TMEM132C: variants seen among roughly 807,000 people sequenced by gnomAD.
TMEM132C encodes transmembrane protein 132C.
Under a neutral mutation model 61.4 loss-of-function variants are expected in TMEM132C, and 29 were observed. The observed-to-expected ratio is 0.47, with a 90% CI of 0.35 to 0.64. The LOEUF (loss-of-function observed/expected upper bound fraction) is 0.64. Among genes scored for constraint, TMEM132C ranks in the 30% least tolerant of loss-of-function variants. The pLI, the probability that TMEM132C is intolerant of heterozygous loss-of-function variation, is 0.00. For missense variants in TMEM132C, 1,408 were observed against 1,476.9 expected, an observed-to-expected ratio of 0.95 and a Z score of 0.76; for synonymous variants, 656 against 633.1, an observed-to-expected ratio of 1.04 and a Z score of -0.54.
chr12:128,702,589 T>C (rs992531825), intron 8 of TMEM132C, among the ~76,000 whole-genome samples: 1 of 152,190 alleles, frequency 6.6e-6, no homozygotes, highest in Non-Finnish European at 1.5e-5. Context: ...CATGAGCACC[T>C]CTTGAGCCCT....
At position 128,705,914 on chromosome 12, in the gene TMEM132C, G is replaced by A; in HGVS notation, c.2946G>A (p.Glu982=). 1 of 1,551,462 alleles carries A rather than the reference G, an allele frequency of 6.4e-7. No homozygotes were observed. Among genetic ancestry groups the A allele is most frequent in the Non-Finnish European group, 8.7e-7 (1 of 1,146,974 alleles). ...TTGGCAATGAGGCCGAACTCCTGGA[G>A]AGCATGGGGGATGCGCCGCCGCCCC... ...VWLGNEAELL[E]SMGDAPPPQD... is the part of the protein sequence containing the mutation. Residue 982 remains glutamate (E), a synonymous_variant, in exon 9 of 9, where the codon GAG becomes GAA. Coordinates refer to ENST00000435159, the MANE Select transcript of TMEM132C (RefSeq NM_001136103.3).
chr12:128,349,918 T>TAC (rs56323654), intron 1 of TMEM132C, among the ~76,000 whole-genome samples: 2,920 of 149,674 alleles, frequency 0.02, 56 homozygotes, highest in African/African-American at 0.048. Context: ...ACACGTACCG[T>TAC]ACACACACAC....
intron 1 of TMEM132C, among the ~76,000 whole-genome samples, chr12:128,373,198 T>C (rs576677856): frequency 6.6e-6 from 1 of 152,212 alleles, no homozygotes; most frequent in Non-Finnish European, 1.5e-5. Flanking sequence ...TTTTGTCCTC[T>C]TCCCACAGGA....
intron 4 of TMEM132C, among the ~76,000 whole-genome samples, chr12:128,629,172 C>T (rs914787726): frequency 2.2e-4 from 34 of 152,110 alleles, no homozygotes; most frequent in African/African-American, 7.2e-4. Context: ...GAATGGAGTT[C>T]AAGTTCTATA....
intron 1 of TMEM132C, among the ~76,000 whole-genome samples, chr12:128,328,393 C>A (rs1318903547): frequency 6.6e-6 from 1 of 152,100 alleles, no homozygotes; most frequent in South Asian, 2.1e-4. Context: ...CTAACACTGA[C>A]CCCCCGGCTT....
At chr12:128,429,250 A>G (rs1869302681) in intron 2 of TMEM132C, among the ~76,000 whole-genome samples, 1 of 152,148 alleles carries the variant, frequency 6.6e-6, no homozygotes, top group Non-Finnish European at 1.5e-5. Flanking sequence ...GAGATTAGAG[A>G]TAGTGCTAGA....
At chr12:128,347,720 G>C (rs1310953670) in intron 1 of TMEM132C, among the ~76,000 whole-genome samples, 3 of 152,280 alleles carry the variant, frequency 2.0e-5, no homozygotes, top group East Asian at 3.9e-4. Flanking sequence ...GAGCCACCAC[G>C]CCCAGCCTGC....
At chr12:128,624,543 CAAAAA>C (rs752979852) in intron 4 of TMEM132C, among the ~76,000 whole-genome samples, 307 of 32,890 alleles carry the variant, frequency 9.3e-3, no homozygotes, top group African/African-American at 0.033. Flanking sequence ...GACTCCATCT[CAAAAA>C]AAAAAAAAAA....
rs35003496 is a variant in TMEM132C at position 128,278,750 on chromosome 12, ATGTG to A, written c.85+11297_85+11300del. 0.12 allele frequency among the ~76,000 whole-genome samples: 16,125 copies of A among 136,904 alleles called. 1,024 individuals carry two copies. The highest frequency in any genetic ancestry group is 0.27 in the East Asian group (1,318 of 4,828). The allele number at this position is 136,904 out of a possible 152,430, so 89.8% of individuals were successfully genotyped here. On this transcript the variant is annotated intron_variant, in intron 1 of 8. Coordinates refer to ENST00000435159, the MANE Select transcript of TMEM132C (RefSeq NM_001136103.3). The surrounding 1 kb of genome is among the most constrained non-coding windows in gnomAD (Gnocchi z 4.2). ...TGTGCAGACTTGATTCTATACGTGTATGTGTGTGTGTGTGTGTGTGTGTGTGTGT... is the reference window on the plus strand; with the variant it reads ...TGTGCAGACTTGATTCTATACGTGTATGTGTGTGTGTGTGTGTGTGTGTGT...
chr12:128,435,899 A>G (rs953926987), intron 2 of TMEM132C, among the ~76,000 whole-genome samples: 3 of 152,216 alleles, frequency 2.0e-5, no homozygotes, highest in African/African-American at 7.2e-5. Context: ...TTCAAACTAT[A>G]CTACAAGGCT....
chr12:128,270,479 A>G (rs2135887947), intron 1 of TMEM132C, among the ~76,000 whole-genome samples: 1 of 152,324 alleles, frequency 6.6e-6, no homozygotes, highest in East Asian at 1.9e-4. Flanking sequence ...TGGCCACGGA[A>G]TGAATTAAAT....
Position 128,625,366 on chromosome 12 carries a change from T to C in TMEM132C, c.1305+9031T>C, listed in dbSNP as rs148254077. Among the ~76,000 whole-genome samples the C allele has an allele frequency of 7.7e-3, 1,169 of 152,244 alleles. 17 individuals carry two copies. The highest frequency in any genetic ancestry group is 0.027 in the African/African-American group (1,122 of 41,542). ...GGCTTCTCACTGTGTCCCCACGTGG[T>C]GGAATGGGCAAATGAGCTCTCTGAA... On this transcript the variant is annotated intron_variant, in intron 4 of 8. Transcript: ENST00000435159.
intron 2 of TMEM132C, among the ~76,000 whole-genome samples, chr12:128,439,822 G>T (rs955650254): frequency 6.6e-6 from 1 of 152,036 alleles, no homozygotes; most frequent in African/African-American, 2.4e-5. Context: ...GGCAGCAGGC[G>T]TATGAGCCGC....
At chr12:128,581,749 T>G (rs577300958) in intron 3 of TMEM132C, among the ~76,000 whole-genome samples, 8 of 152,306 alleles carry the variant, frequency 5.3e-5, no homozygotes, top group African/African-American at 1.9e-4. Context: ...CAGTGCCAAG[T>G]CATAAAGGAA....
In TMEM132C at chr12:128,500,284, A is replaced by G. The variant is rs144771109; in HGVS notation, c.975-43673A>G. 6.0e-3 allele frequency among the ~76,000 whole-genome samples: 918 copies of G among 152,320 alleles called. 11 individuals carry two copies. Among genetic ancestry groups the G allele is most frequent in the Non-Finnish European group, 5.7e-3 (391 of 68,038 alleles). On this transcript the variant is annotated intron_variant, in intron 2 of 8. Transcript: ENST00000435159. ...GGTGTGTAAATTTTTATTACCTTGG[A>G]TTAGACAATGGTTTCTTACAACTCT... is the stretch of plus-strand genomic sequence containing the variant.
intron 5 of TMEM132C, among the ~76,000 whole-genome samples, chr12:128,687,893 T>C (rs1954690149): frequency 6.6e-6 from 1 of 152,162 alleles, no homozygotes; most frequent in Non-Finnish European, 1.5e-5. Context: ...ACCTACTGCC[T>C]ACCTCTAAGC....
chr12:128,545,970 C>T (rs994317115), intron 3 of TMEM132C, among the ~76,000 whole-genome samples: 3 of 152,126 alleles, frequency 2.0e-5, no homozygotes, highest in Non-Finnish European at 4.4e-5. Flanking sequence ...AGCTGCAAGT[C>T]ACCATGAAAA....
At chr12:128,424,603 G>A (rs1347378949) in intron 2 of TMEM132C, among the ~76,000 whole-genome samples, 2 of 152,212 alleles carry the variant, frequency 1.3e-5, no homozygotes, top group Admixed American at 1.3e-4. Context: ...GATTGCCAAT[G>A]GGTTTGGGGT....
At position 128,630,175 on chromosome 12, in the gene TMEM132C, A is replaced by C. The variant is rs1003366022; in HGVS notation, c.1305+13840A>C. ...CCCCCTCCAAGGTGTCTCAGGCGGCAAGCTGGCGGCAAGCCCAGGAATCTG... is the reference window on the plus strand; with the variant it reads ...CCCCCTCCAAGGTGTCTCAGGCGGCCAGCTGGCGGCAAGCCCAGGAATCTG... On this transcript the variant is annotated intron_variant, in intron 4 of 8. Coordinates refer to ENST00000435159, the MANE Select transcript of TMEM132C (RefSeq NM_001136103.3). This position sits in a 1 kb window ranked among gnomAD's most constrained non-coding sequence, Gnocchi z 4.3. 4.6e-5 allele frequency among the ~76,000 whole-genome samples: 7 copies of C among 152,036 alleles called. No homozygotes were observed. The highest frequency in any genetic ancestry group is 8.8e-5 in the Non-Finnish European group (6 of 68,006).
Sources: allele counts gnomAD v4.1 joint callset (sites outside exome capture counted in the v4.1 genomes callset), GRCh38; gene constraint gnomAD v4.1.1; non-coding constraint Gnocchi (gnomAD v3.1); transcripts MANE v1.5; gene names NCBI Gene and HGNC (gene_info 2026-07-23, HGNC 2026-07-21).